AKAP13: variants seen among roughly 807,000 people sequenced by gnomAD.
AKAP13 encodes A-kinase anchoring protein 13, also known as A-kinase anchor protein 13.
Under a neutral mutation model 264.5 loss-of-function variants are expected in AKAP13, and 80 were observed. That is an observed-to-expected ratio of 0.30 (90% confidence interval 0.25 to 0.36). AKAP13 has a LOEUF of 0.36. Ranked by LOEUF, AKAP13 falls within the 10% of genes least tolerant of loss-of-function variation. The probability of loss-of-function intolerance (pLI) is 1.00; values close to 1 mark genes in which losing one functional copy is unlikely to be tolerated. For synonymous variants in AKAP13, 1,380 were observed against 1,250.2 expected (o/e 1.10, Z -2.19); for missense variants, 3,712 against 3,435.2 (o/e 1.08, Z -2.01).
At chr15:85,673,666 C>CTTTCTTT (rs2084043995) in intron 14 of AKAP13, among the ~76,000 whole-genome samples, 1 of 77,540 alleles carries the variant, frequency 1.3e-5, no homozygotes, top group East Asian at 4.7e-4. Flanking sequence ...TTCTTTCTTT[C>CTTTCTTT]TTTTTTTTTT....
At position 85,616,473 on chromosome 15, in the gene AKAP13, G is replaced by A. The variant is rs183678180; in HGVS notation, c.4162-22901G>A. On this transcript the variant is annotated intron_variant, in intron 8 of 36. Transcript: ENST00000394518. ...TGGCATGAGACAGATTAAAAGCACT[G>A]GTTGTTTTTAAAGAATCTGGGACCA... 2.2e-3 allele frequency among the ~76,000 whole-genome samples: 334 copies of A among 152,276 alleles called. 2 individuals are homozygous for A. The highest frequency in any genetic ancestry group is 7.7e-3 in the African/African-American group (319 of 41,536).
chr15:85,395,179 A>G (rs974533459), intron 1 of AKAP13, among the ~76,000 whole-genome samples: 1 of 152,216 alleles, frequency 6.6e-6, no homozygotes, highest in African/African-American at 2.4e-5. Context: ...GATCTCAGAA[A>G]GGAGAAGAAT....
intron 1 of AKAP13, among the ~76,000 whole-genome samples, chr15:85,403,128 A>G (rs192840175): frequency 2.7e-4 from 41 of 152,326 alleles, no homozygotes; most frequent in African/African-American, 9.6e-4. Flanking sequence ...GAAATTTGTA[A>G]GATTAGAGCA....
chr15:85,510,845 T>C (rs1044886809), intron 2 of AKAP13, among the ~76,000 whole-genome samples: 1 of 152,230 alleles, frequency 6.6e-6, no homozygotes, highest in Non-Finnish European at 1.5e-5. Context: ...TCTGAAACAT[T>C]TGAAATGGGA....
At chr15:85,409,370 G>A (rs2071832005) in intron 1 of AKAP13, among the ~76,000 whole-genome samples, 1 of 151,376 alleles carries the variant, frequency 6.6e-6, no homozygotes, top group Non-Finnish European at 1.5e-5. Flanking sequence ...TGGAGACAGG[G>A]TTTCATCATG....
At chr15:85,686,946 C>T (rs950076572) in intron 16 of AKAP13, among the ~76,000 whole-genome samples, 2 of 152,154 alleles carry the variant, frequency 1.3e-5, no homozygotes, top group Non-Finnish European at 2.9e-5. Context: ...ACTACTGAAT[C>T]TTGTCTTCAA....
intron 8 of AKAP13, among the ~76,000 whole-genome samples, chr15:85,611,470 A>G (rs535914912): frequency 2.0e-5 from 3 of 152,176 alleles, no homozygotes; most frequent in Non-Finnish European, 2.9e-5. Context: ...TCCCACCCCA[A>G]TGCCCAATAT....
At chr15:85,640,122 G>A (rs564775055) in intron 9 of AKAP13, among the ~76,000 whole-genome samples, 3 of 152,202 alleles carry the variant, frequency 2.0e-5, no homozygotes, top group African/African-American at 7.2e-5. Flanking sequence ...TCTGTGTGAT[G>A]TAAAGTATGT....
intron 1 of AKAP13, among the ~76,000 whole-genome samples, chr15:85,449,591 G>A (rs1048914157): frequency 6.6e-6 from 1 of 152,158 alleles, no homozygotes; most frequent in Non-Finnish European, 1.5e-5. Flanking sequence ...TTTGAGGTAT[G>A]TTCCTTCAAT....
chr15:85,732,098 AC>A (rs1207482532), intron 30 of AKAP13, among the ~76,000 whole-genome samples: 153 of 146,186 alleles, frequency 1.0e-3, no homozygotes, highest in Admixed American at 1.9e-3. Context: ...AAAAAAAAAA[AC>A]GTTTGATGGA....
chr15:85,494,931 C>T (rs2075829976), intron 2 of AKAP13, among the ~76,000 whole-genome samples: 1 of 151,878 alleles, frequency 6.6e-6, no homozygotes, highest in East Asian at 1.9e-4. Flanking sequence ...CATTGTGCTC[C>T]TTTCTTGGTG....
At chr15:85,639,600 GT>G (rs2082211730) in intron 9 of AKAP13, 151 bp downstream of exon 9, 1 of 626,402 alleles carries the variant, frequency 1.6e-6, no homozygotes, top group African/African-American at 2.0e-5. Context: ...TTGTCTTACA[GT>G]TGAAGATGAA....
chr15:85,544,069 AGCTCTGTATCTT>A, intron 5 of AKAP13, 114 bp downstream of exon 5: 2 of 1,278,812 alleles, frequency 1.6e-6, no homozygotes, highest in Non-Finnish European at 1.1e-6. Flanking sequence ...TTAAAACCTC[AGCTCTGTATCTT>A]GCCTTCTGCT....
intron 13 of AKAP13, among the ~76,000 whole-genome samples, chr15:85,668,699 T>A (rs753579356): frequency 9.2e-5 from 14 of 152,144 alleles, no homozygotes; most frequent in South Asian, 6.2e-4. Flanking sequence ...CCCAGCACTT[T>A]GGGAGGCTGA....
At chr15:85,384,106 G>C (rs1445149960) in intron 1 of AKAP13, among the ~76,000 whole-genome samples, 1 of 152,156 alleles carries the variant, frequency 6.6e-6, no homozygotes, top group Non-Finnish European at 1.5e-5. Flanking sequence ...CTTTCCATTA[G>C]TTTTCTGATG....
chr15:85,743,895 T>C, intron 36 of AKAP13, 70 bp downstream of exon 36: 1 of 1,511,764 alleles, frequency 6.6e-7, no homozygotes, highest in Non-Finnish European at 8.8e-7. Context: ...TAGATTTTAG[T>C]GGCATGGGGC....
chr15:85,485,093 G>A (rs1368140165), intron 1 of AKAP13, among the ~76,000 whole-genome samples: 1 of 152,192 alleles, frequency 6.6e-6, no homozygotes, highest in Non-Finnish European at 1.5e-5. Context: ...TATTCTTAAT[G>A]TTCAGGAATT....
At chr15:85,731,448 A>G (rs1201036431) in intron 30 of AKAP13, among the ~76,000 whole-genome samples, 1 of 151,796 alleles carries the variant, frequency 6.6e-6, no homozygotes, top group Non-Finnish European at 1.5e-5. Flanking sequence ...CATATAATTT[A>G]TCTTTGAACA....
intron 16 of AKAP13, among the ~76,000 whole-genome samples, chr15:85,688,724 T>C (rs374023497): frequency 1.1e-4 from 16 of 152,326 alleles, no homozygotes; most frequent in African/African-American, 3.1e-4. Context: ...GTATATAAAC[T>C]TAAGAAATTG....
Sources: gnomAD v4.1 joint callset for allele counts (sites outside exome capture counted in the v4.1 genomes callset) on GRCh38, gnomAD v4.1.1 for gene constraint, MANE v1.5 for transcripts, NCBI Gene and HGNC (gene_info 2026-07-23, HGNC 2026-07-21) for gene names.